ADAM9: variants seen among roughly 807,000 people sequenced by gnomAD.
ADAM9 encodes the protein disintegrin and metalloproteinase domain-containing protein 9.
Under a neutral mutation model 108.1 loss-of-function variants are expected in ADAM9, and 54 were observed. That is an observed-to-expected ratio of 0.50 (90% CI 0.40 to 0.63). ADAM9 has a LOEUF of 0.63. Ranked by LOEUF, ADAM9 falls within the 20% of genes least tolerant of loss-of-function variation. The pLI is 0.00. For synonymous variants in ADAM9, 316 were observed against 336.0 expected (o/e 0.94, Z 0.65); for missense variants, 830 against 997.7 (o/e 0.83, Z 2.26).
chr8:39,050,879 A>C (rs1056274044), intron 12 of ADAM9, among the ~76,000 whole-genome samples: 4 of 129,186 alleles, frequency 3.1e-5, no homozygotes, highest in Non-Finnish European at 4.7e-5. Context: ...AACTGGGTAG[A>C]GGAACTGTGG....
intron 1 of ADAM9, among the ~76,000 whole-genome samples, chr8:38,998,538 A>G (rs1195817886): frequency 6.6e-6 from 1 of 152,252 alleles, no homozygotes; most frequent in Non-Finnish European, 1.5e-5. Context: ...TCACTTCGGC[A>G]TGTGTATGCC....
intron 20 of ADAM9, among the ~76,000 whole-genome samples, chr8:39,100,775 AG>A (rs1839668002): frequency 6.6e-6 from 1 of 152,250 alleles, no homozygotes; most frequent in Admixed American, 6.5e-5. Context: ...ATAGAACTTT[AG>A]GAGTTAACAG....
rs762760104 is a variant in ADAM9, at chr8:39,026,762, G to A, written c.1082G>A (p.Arg361Lys). 15 of 1,614,186 alleles carry A rather than the reference G, an allele frequency of 9.3e-6. No individual in the cohort carries two copies. Among genetic ancestry groups the A allele is most frequent in the Admixed American group, 1.7e-5 (1 of 60,030 alleles). ...CTTGGAATGAATCACGATGATGGGA[G>A]AGATTGTTCCTGTGGAGCAAAGAGC... ...HNLGMNHDDG[R>K]DCSCGAKSCI... Residue 361 changes from arginine (R) to lysine (K), a missense_variant, in exon 11 of 22, where the codon AGA becomes AAA. Physicochemically the swap from Arg to Lys is conservative, Grantham distance 26 (BLOSUM62 2). This residue lies in a region of ADAM9 where 381 missense variants were observed against 539.8 expected (regional missense o/e 0.71). Transcript: ENST00000487273.
intron 18 of ADAM9, among the ~76,000 whole-genome samples, chr8:39,087,243 T>G (rs1026396441): frequency 6.6e-6 from 1 of 152,200 alleles, no homozygotes; most frequent in Admixed American, 6.5e-5. Context: ...GGCTCACATT[T>G]TTTTTTTCTG....
intron 14 of ADAM9, among the ~76,000 whole-genome samples, chr8:39,068,310 G>A (rs946509663): frequency 2.0e-5 from 3 of 152,024 alleles, no homozygotes; most frequent in Admixed American, 2.0e-4. Context: ...CACATCTTTA[G>A]GTTTTTTTCC....
At chr8:39,011,440 G>A (rs565201341) in intron 2 of ADAM9, among the ~76,000 whole-genome samples, 131 of 152,246 alleles carry the variant, frequency 8.6e-4, no homozygotes, top group African/African-American at 3.1e-3. Flanking sequence ...GATAGACATG[G>A]GGTTATTTTC....
chr8:39,062,542 C>T (rs1838331265), intron 14 of ADAM9, among the ~76,000 whole-genome samples: 1 of 152,188 alleles, frequency 6.6e-6, no homozygotes, highest in Non-Finnish European at 1.5e-5. Context: ...TCAGGTTATT[C>T]TGATTGCTGC....
intron 16 of ADAM9, among the ~76,000 whole-genome samples, chr8:39,080,948 G>GTTTTTTT (rs397808791): frequency 9.2e-6 from 1 of 108,766 alleles, no homozygotes; most frequent in East Asian, 2.8e-4. Context: ...CACTGTGAGA[G>GTTTTTTT]TTTTTTTTTT....
chr8:38,997,474 C>G (rs909685725), intron 1 of ADAM9, among the ~76,000 whole-genome samples: 1 of 152,204 alleles, frequency 6.6e-6, no homozygotes, highest in African/African-American at 2.4e-5. Flanking sequence ...GCCCCGAAAC[C>G]CGCTCTGGGG....
At chr8:39,015,049 A>T (rs1462794592) in intron 4 of ADAM9, 1 of 152,926 alleles carries the variant, frequency 6.5e-6, no homozygotes, top group Non-Finnish European at 1.5e-5. Flanking sequence ...CAAACACCAC[A>T]TAATTTGTGT....
At chr8:39,089,853 A>G in intron 18 of ADAM9, 194 bp from the exon 19 acceptor site, 1 of 606,234 alleles carries the variant, frequency 1.6e-6, no homozygotes, top group Non-Finnish European at 2.9e-6. Flanking sequence ...AGAAACTAAT[A>G]AAAGTGGTTA....
intron 8 of ADAM9, 50 bp downstream of exon 8, chr8:39,021,764 T>C: frequency 6.6e-7 from 1 of 1,512,864 alleles, no homozygotes; most frequent in Non-Finnish European, 9.2e-7. Flanking sequence ...ATTCTTTCAG[T>C]CCCAGAACAG....
intron 14 of ADAM9, among the ~76,000 whole-genome samples, chr8:39,060,224 A>G (rs895309253): frequency 2.6e-5 from 4 of 152,196 alleles, no homozygotes; most frequent in African/African-American, 4.8e-5. Flanking sequence ...CAAAATCCTA[A>G]ATGCCTGCAC....
intron 20 of ADAM9, among the ~76,000 whole-genome samples, chr8:39,097,183 C>T (rs1588436105): frequency 6.6e-6 from 1 of 152,118 alleles, no homozygotes; most frequent in South Asian, 2.1e-4. Flanking sequence ...ATTCTGGTAG[C>T]CTCTCAAATC....
intron 14 of ADAM9, among the ~76,000 whole-genome samples, chr8:39,067,556 G>A (rs1387163432): frequency 6.6e-6 from 1 of 151,668 alleles, no homozygotes; most frequent in African/African-American, 2.4e-5. Context: ...CTCTGTTATT[G>A]GTGTATAAGA....
chr8:39,094,178 G>A (rs1395744812), intron 20 of ADAM9, among the ~76,000 whole-genome samples: 6 of 152,152 alleles, frequency 3.9e-5, no homozygotes, highest in African/African-American at 1.4e-4. Flanking sequence ...CATGGTTTTT[G>A]TTAGTCTATG....
At chr8:39,080,895 AG>A (rs1403800164) in intron 16 of ADAM9, among the ~76,000 whole-genome samples, 1 of 146,000 alleles carries the variant, frequency 6.8e-6, no homozygotes, top group East Asian at 2.1e-4. Flanking sequence ...CATGGGTGGT[AG>A]GGGGAGTGGT....
chr8:38,997,154 C>T lies in ADAM9; in HGVS notation c.91C>T (p.Arg31Trp), dbSNP rs777948622. 5.6e-6 allele frequency: 9 copies of T among 1,598,876 alleles called. No homozygotes were observed. Among genetic ancestry groups the T allele is most frequent in the Admixed American group, 1.7e-5 (1 of 59,736 alleles). The change falls in exon 1 of 22, where the codon CGG becomes TGG. Residue 31 changes from arginine (R) to tryptophan (W), a missense_variant. Arg to Trp is a moderately radical substitution (Grantham distance 101). Transcript: ENST00000487273. Reference protein sequence around the residue: ...GLVGPVLGAARPGFQQTSHLS... With the variant: ...GLVGPVLGAAWPGFQQTSHLS... ...GGTGGGCCCAGTCCTCGGTGCGGCG[C>T]GGCCAGGTGGGTGTCCGCGCCCCGG...
At chr8:39,032,325 G>A (rs1054952332) in intron 11 of ADAM9, among the ~76,000 whole-genome samples, 1 of 152,188 alleles carries the variant, frequency 6.6e-6, no homozygotes, top group Non-Finnish European at 1.5e-5. Context: ...GGTGGGCTCC[G>A]CCCAGTTGAG....
Sources: gnomAD v4.1 joint callset for allele counts (sites outside exome capture counted in the v4.1 genomes callset) on GRCh38, gnomAD v4.1.1 for gene constraint, gnomAD v4.1.1 regional missense constraint, MANE v1.5 for transcripts, NCBI Gene and HGNC (gene_info 2026-07-23, HGNC 2026-07-21) for gene names.